WNK2: variants seen among roughly 807,000 people sequenced by gnomAD.
The protein encoded by WNK2 is serine/threonine-protein kinase WNK2.
Under a neutral mutation model 192.1 loss-of-function variants are expected in WNK2, and 67 were observed. The ratio of observed to expected loss-of-function variants is 0.35; its 90% CI spans 0.29 to 0.43. The LOEUF (loss-of-function observed/expected upper bound fraction) is 0.43. WNK2 is among the 20% of genes least tolerant of loss of function. The pLI is 1.00. For missense variants in WNK2, 2,698 were observed against 3,089.7 expected (o/e 0.87, Z 3.01); for synonymous variants, 1,439 against 1,393.9 (o/e 1.03, Z -0.72).
Position 93,185,688 on chromosome 9 carries a change from G to A in WNK2, c.681+78G>A, listed in dbSNP as rs145488372. 7,097 of 1,513,000 alleles carry A rather than the reference G, an allele frequency of 4.7e-3. 29 individuals carry two copies. The highest frequency in any genetic ancestry group is 6.8e-3 in the Middle Eastern group (31 of 4,530). The allele number at this position is 1,513,000 out of a possible 1,614,324, so 93.7% of individuals were successfully genotyped here. A position where few individuals can be genotyped will look rare whatever the true frequency, so the allele number is the denominator to read the frequency against. ...CGTCCTTGGGCCTGTCCTTGCTCCT[G>A]CGCCTGGCCTTAAGAAGCCCTGGGG... On this transcript the variant is annotated intron_variant, in intron 2 of 29. Transcript: ENST00000427277.
intron 2 of WNK2, among the ~76,000 whole-genome samples, chr9:93,222,242 C>T (rs1467190256): frequency 6.6e-6 from 1 of 152,168 alleles, no homozygotes; most frequent in Non-Finnish European, 1.5e-5. Flanking sequence ...GATCTTGGCT[C>T]AGCTGCAACC....
At chr9:93,295,067 C>T (rs1207702040) in intron 23 of WNK2, among the ~76,000 whole-genome samples, 1 of 152,144 alleles carries the variant, frequency 6.6e-6, no homozygotes, top group African/African-American at 2.4e-5. Context: ...TCCTAGGGCT[C>T]CAGGAGCCCT....
intron 14 of WNK2, 34 bp downstream of exon 14, chr9:93,262,753 G>T: frequency 6.2e-7 from 1 of 1,608,512 alleles, no homozygotes; most frequent in Non-Finnish European, 8.5e-7. Flanking sequence ...CGCAGGACGG[G>T]TGTAGGGGCG....
intron 28 of WNK2, among the ~76,000 whole-genome samples, chr9:93,309,682 C>G (rs1853301251): frequency 1.3e-5 from 2 of 152,164 alleles, no homozygotes; most frequent in African/African-American, 4.8e-5. Flanking sequence ...ATTCAAAGAA[C>G]ACATTTTGTG....
Position 93,320,405 on chromosome 9 carries a change from G to A in WNK2, c.*13G>A, listed in dbSNP as rs370785662. ...GAAGCCTGACTGACCCCGCCTAGAC[G>A]CCAGGCCCACTTCACGCCGTCTAAG... On this transcript the variant is annotated 3_prime_UTR_variant, in exon 30 of 30. Transcript: ENST00000427277. The A allele has an allele frequency of 1.1e-5, 15 of 1,367,520 alleles. No individual in the cohort carries two copies. Among genetic ancestry groups the A allele is most frequent in the African/African-American group, 4.4e-5 (3 of 67,748 alleles). The allele number at this position is 1,367,520 out of a possible 1,614,324, so 84.7% of individuals were successfully genotyped here.
intron 2 of WNK2, among the ~76,000 whole-genome samples, chr9:93,188,469 G>T (rs969306420): frequency 1.3e-5 from 2 of 152,246 alleles, no homozygotes. Flanking sequence ...TTCTCCAGAT[G>T]TGCAAAGCTG....
chr9:93,317,602 C>T lies in WNK2; in HGVS notation c.6599C>T (p.Ala2200Val), dbSNP rs146916008. The T allele has an allele frequency of 9.3e-6, 15 of 1,612,974 alleles. No individual in the cohort carries two copies. In the African/African-American group the frequency reaches 2.0e-4, roughly 22 times the overall value. Residue 2200 changes from alanine to valine, a missense_variant, in exon 29 of 30, where the codon GCC (alanine) becomes GTC (valine). Transcript: ENST00000427277. ...GPLSTTVIPG[A>V]APTLSVPTPD... ...CTGTCCACCACGGTCATTCCCGGAGCCGCCCCGACCCTGTCCGTGCCCACA... is the reference window on the plus strand; with the variant it reads ...CTGTCCACCACGGTCATTCCCGGAGTCGCCCCGACCCTGTCCGTGCCCACA...
At chr9:93,210,442 C>T (rs913334216) in intron 2 of WNK2, among the ~76,000 whole-genome samples, 5 of 152,062 alleles carry the variant, frequency 3.3e-5, no homozygotes, top group Admixed American at 6.6e-5. Flanking sequence ...GTCAGGGGAG[C>T]GAGTGGGACC....
intron 19 of WNK2, among the ~76,000 whole-genome samples, chr9:93,278,111 C>T (rs1247028877): frequency 1.3e-5 from 2 of 152,088 alleles, no homozygotes; most frequent in African/African-American, 4.8e-5. Flanking sequence ...AAAAAAGTCA[C>T]TACAGTTATC....
At chr9:93,192,057 T>C (rs1830423823) in intron 2 of WNK2, among the ~76,000 whole-genome samples, 1 of 148,540 alleles carries the variant, frequency 6.7e-6, no homozygotes, top group South Asian at 2.1e-4. Context: ...GGCTCATGCC[T>C]GTAATCCCAG....
chr9:93,249,769 C>CA (rs1301268603), intron 8 of WNK2, among the ~76,000 whole-genome samples: 3 of 152,120 alleles, frequency 2.0e-5, no homozygotes, highest in African/African-American at 7.2e-5. Context: ...CCACCGCAAC[C>CA]AGCCCCTCAA....
rs963157679 is a variant in WNK2 at position 93,185,294 on chromosome 9, A to C, written c.365A>C (p.Gln122Pro). 6.0e-5 allele frequency: 86 copies of C among 1,424,190 alleles called. No homozygotes were observed. The African/African-American group carries it at 9.7e-4, about 16-fold the overall frequency. The allele number at this position is 1,424,190 out of a possible 1,614,324, so 88.2% of individuals were successfully genotyped here. A position where few individuals can be genotyped will look rare whatever the true frequency, so the allele number is the denominator to read the frequency against. ...GCCGGCCCCGAGCCCGTGGGCACGC[A>C]GGAGCCCGGCCCGGACCCCATCGCA... ...ADAGPEPVGT[Q>P]EPGPDPIAAA... Residue 122 changes from glutamine (Q) to proline (P), a missense_variant, in exon 2 of 30, where the codon CAG becomes CCG. By Grantham distance (76) the Gln-to-Pro change is moderately conservative (BLOSUM62 -1). Coordinates refer to ENST00000427277, the MANE Select transcript of WNK2 (RefSeq NM_006648.4).
chr9:93,219,864 A>G (rs116857737), intron 2 of WNK2, among the ~76,000 whole-genome samples: 1 of 152,172 alleles, frequency 6.6e-6, no homozygotes, highest in Non-Finnish European at 1.5e-5. Context: ...GCAGGTGCAG[A>G]TGGTGGCACT....
chr9:93,217,284 C>T (rs1020813867), intron 2 of WNK2, among the ~76,000 whole-genome samples: 3 of 152,196 alleles, frequency 2.0e-5, no homozygotes, highest in Non-Finnish European at 4.4e-5. Context: ...AGATACTACG[C>T]CGCTGCCACG....
At chr9:93,238,952 A>G (rs1234901628) in intron 6 of WNK2, among the ~76,000 whole-genome samples, 1 of 152,172 alleles carries the variant, frequency 6.6e-6, no homozygotes. Flanking sequence ...ACCCCTCAGC[A>G]GTAAGCAGGG....
chr9:93,247,536 T>C lies in WNK2; in HGVS notation c.1543-7T>C. The C allele has an allele frequency of 6.2e-7, 1 of 1,608,612 alleles. No homozygotes were observed. The highest frequency in any genetic ancestry group is 8.5e-7 in the Non-Finnish European group (1 of 1,177,868). ...CAGCGATGCTGACAACATGACTGCC[T>C]TTACAGATTGAGTCTGGATTCTTCC... On this transcript the variant is annotated splice_polypyrimidine_tract_variant and splice_region_variant and intron_variant, in intron 7 of 29. Transcript: ENST00000427277. This position sits in a 1 kb window ranked among gnomAD's most constrained non-coding sequence, Gnocchi z 5.2.
intron 5 of WNK2, among the ~76,000 whole-genome samples, chr9:93,236,845 GCATCC>G (rs1839893894): frequency 1.3e-5 from 2 of 152,268 alleles, no homozygotes; most frequent in South Asian, 4.1e-4. Context: ...TCTGTAGGAG[GCATCC>G]CATCCACCGC....
chr9:93,245,826 AG>A (rs1338525870), intron 7 of WNK2, among the ~76,000 whole-genome samples: 1 of 152,174 alleles, frequency 6.6e-6, no homozygotes, highest in Admixed American at 6.5e-5. Flanking sequence ...GCCTTGGCTC[AG>A]GGCCCTAGTG....
chr9:93,272,088 T>C lies in WNK2; in HGVS notation c.4033+3342T>C, dbSNP rs562028122. On this transcript the variant is annotated intron_variant, in intron 19 of 29. Coordinates refer to ENST00000427277, the MANE Select transcript of WNK2 (RefSeq NM_006648.4). Reference sequence around the variant, plus strand: ...CTCAAATAAAGAAAACTAAGGGAATTCATGGGCTGCACACCTACTCTAAAA... The same window carrying C: ...CTCAAATAAAGAAAACTAAGGGAATCCATGGGCTGCACACCTACTCTAAAA... Among the ~76,000 whole-genome samples, 69 of 152,316 alleles carry C rather than the reference T, an allele frequency of 4.5e-4. No homozygotes were observed. The South Asian group carries it at 0.014, about 31-fold the overall frequency.
Sources: gnomAD v4.1 joint callset for allele counts (sites outside exome capture counted in the v4.1 genomes callset) on GRCh38, gnomAD v4.1.1 for gene constraint, Gnocchi (gnomAD v3.1) non-coding constraint, MANE v1.5 for transcripts, NCBI Gene and HGNC (gene_info 2026-07-23, HGNC 2026-07-21) for gene names.